ST6GALNAC1: variants seen among roughly 807,000 people sequenced by gnomAD.
ST6GALNAC1 encodes the protein ST6 N-acetylgalactosaminide alpha-2,6-sialyltransferase 1, also known as alpha-N-acetylgalactosaminide alpha-2,6-sialyltransferase 1.
In ST6GALNAC1, 45 loss-of-function variants were observed where a neutral mutation model predicts 56.8. The ratio of observed to expected loss-of-function variants is 0.79; its 90% CI spans 0.62 to 1.02. ST6GALNAC1 has a LOEUF of 1.02. ST6GALNAC1 is among the 50% of genes least tolerant of loss of function. The pLI, the probability that ST6GALNAC1 is intolerant of heterozygous loss-of-function variation, is 0.00. For synonymous variants in ST6GALNAC1, 295 were observed against 297.8 expected (o/e 0.99, Z 0.10); for missense variants, 743 against 754.8 (o/e 0.98, Z 0.18).
rs1457711765 is a variant in ST6GALNAC1, at chr17:76,627,598, AC to A, written c.832-16del. On this transcript the variant is annotated splice_polypyrimidine_tract_variant and intron_variant, in intron 2 of 8. Transcript: ENST00000156626. The surrounding 1 kb of genome is among the most constrained non-coding windows in gnomAD (Gnocchi z 4.4). The stretch of plus-strand genomic sequence containing the variant: ...TCAGGGCAAGTCTATATACAGGAGG[AC>A]GAAGTCAGGAAGGGAGAGACCCAGA... 6.2e-7 allele frequency: 1 copy of A among 1,612,470 alleles called. No individual in the cohort carries two copies. Among genetic ancestry groups the A allele is most frequent in the South Asian group, 1.1e-5 (1 of 90,934 alleles).
At chr17:76,618,323 G>A in the ST6GALNAC1 span, among the ~76,000 whole-genome samples, 1 of 152,102 alleles carries the variant, frequency 6.6e-6, no homozygotes, top group Non-Finnish European at 1.5e-5. Context: ...GGCATGACAT[G>A]AATTTGCCAA....
At position 76,626,319 on chromosome 17, in the gene ST6GALNAC1, G is replaced by A. The variant is rs150096642; in HGVS notation, c.1385C>T (p.Thr462Met). ...CCAGAAAAGGTTTTTTGACATCACC[G>A]TCTGATTCATAAGCAGTGCTTCCAG... ...EWLEALLMNQ[T>M]VMSKNLFWFR... The change falls in exon 6 of 9, where the codon ACG (threonine) becomes ATG (methionine). Residue 462 changes from threonine to methionine, a missense_variant. Coordinates refer to ENST00000156626, the MANE Select transcript of ST6GALNAC1 (RefSeq NM_018414.5). 3.3e-5 allele frequency: 54 copies of A among 1,614,192 alleles called. No homozygotes were observed. Among genetic ancestry groups the A allele is most frequent in the Middle Eastern group, 3.3e-4 (2 of 6,062 alleles).
downstream of ST6GALNAC1, among the ~76,000 whole-genome samples, chr17:76,619,892 C>T (rs962404693): frequency 6.6e-6 from 1 of 151,330 alleles, no homozygotes; most frequent in Non-Finnish European, 1.5e-5. Flanking sequence ...TACAGGCATG[C>T]ACCGCCACAC....
downstream of ST6GALNAC1, among the ~76,000 whole-genome samples, chr17:76,621,045 C>T (rs1035507437): frequency 6.6e-6 from 1 of 152,174 alleles, no homozygotes; most frequent in African/African-American, 2.4e-5. Flanking sequence ...TAACAAATAG[C>T]CAAGTCTTGG....
intron 1 of ST6GALNAC1, among the ~76,000 whole-genome samples, chr17:76,639,638 AACAC>A (rs55706272): frequency 0.03 from 3,716 of 125,028 alleles, 90 homozygotes; most frequent in African/African-American, 0.058. Flanking sequence ...TTACATGATA[AACAC>A]ACACACACAC....
At chr17:76,624,335 T>C (rs1007501921), downstream of ST6GALNAC1, among the ~76,000 whole-genome samples, 1 of 152,102 alleles carries the variant, frequency 6.6e-6, no homozygotes, top group Non-Finnish European at 1.5e-5. Flanking sequence ...ACTGCAACTC[T>C]GCCCCCCAGG....
intron 1 of ST6GALNAC1, among the ~76,000 whole-genome samples, chr17:76,631,640 C>T (rs1034949111): frequency 2.0e-5 from 3 of 152,150 alleles, no homozygotes; most frequent in Non-Finnish European, 4.4e-5. Context: ...CTCCTCTGCT[C>T]TCCAACCCAC....
At chr17:76,633,650 C>T (rs1193233086) in intron 1 of ST6GALNAC1, 1 of 152,012 alleles carries the variant, frequency 6.6e-6, no homozygotes, top group Non-Finnish European at 1.5e-5. Flanking sequence ...GAGACTGAGT[C>T]TCTGTTGTCT....
rs778254404 is a variant in ST6GALNAC1 at position 76,627,076 on chromosome 17, T to C, written c.1163A>G (p.Tyr388Cys). ...GGTGGGGACAGCTTACCGGAACACG[T>C]AGTCGTGACTGTCTATCTCCTGGCC... Reference protein sequence around the residue: ...HMGQEIDSHDYVFRLSGALIK... With the variant: ...HMGQEIDSHDCVFRLSGALIK... The change falls in exon 4 of 9, where the codon TAC (tyrosine) becomes TGC (cysteine). Residue 388 changes from tyrosine to cysteine, a missense_variant. Tyr to Cys is a radical substitution (Grantham distance 194). Transcript: ENST00000156626. The surrounding 1 kb of genome is among the most constrained non-coding windows in gnomAD (Gnocchi z 4.4). The C allele has an allele frequency of 1.4e-5, 21 of 1,549,286 alleles. No homozygotes were observed. In the South Asian group the frequency reaches 2.3e-4, roughly 17 times the overall value.
intron 1 of ST6GALNAC1, among the ~76,000 whole-genome samples, chr17:76,634,295 A>C (rs552283717): frequency 6.6e-6 from 1 of 152,190 alleles, no homozygotes; most frequent in South Asian, 2.1e-4. Context: ...TTCCTCTTCC[A>C]GGTTACATGT....
chr17:76,625,978 C>T, intron 7 of ST6GALNAC1, 28 bp downstream of exon 7: 1 of 1,612,052 alleles, frequency 6.2e-7, no homozygotes, highest in Non-Finnish European at 8.5e-7. Context: ...GGGACCTGGG[C>T]TACGTGTCAC....
intron 5 of ST6GALNAC1, 81 bp from the exon 6 acceptor site, chr17:76,626,473 T>C (rs2075800048): frequency 6.6e-7 from 1 of 1,519,506 alleles, no homozygotes; most frequent in Non-Finnish European, 9.1e-7. Flanking sequence ...TGACTCCGAC[T>C]GCCCACTTGC....
intron 1 of ST6GALNAC1, among the ~76,000 whole-genome samples, chr17:76,630,376 C>T (rs1206318997): frequency 6.6e-6 from 1 of 152,126 alleles, no homozygotes; most frequent in Non-Finnish European, 1.5e-5. Context: ...TCCATTAAGG[C>T]CTCCTAGCCT....
chr17:76,637,665 A>G (rs912660771), intron 1 of ST6GALNAC1: 2 of 398,846 alleles, frequency 5.0e-6, no homozygotes, highest in African/African-American at 2.1e-5. Context: ...CAGCTACTCA[A>G]TAGCGAAGGG....
At chr17:76,622,507 G>A (rs568127439), downstream of ST6GALNAC1, among the ~76,000 whole-genome samples, 2 of 152,100 alleles carry the variant, frequency 1.3e-5, no homozygotes, top group Admixed American at 1.3e-4. Context: ...TGGGACTACA[G>A]GTGCACGCCA....
chr17:76,630,888 ATTTTTT>A (rs939007475), intron 1 of ST6GALNAC1, among the ~76,000 whole-genome samples: 1 of 123,362 alleles, frequency 8.1e-6, no homozygotes, highest in Non-Finnish European at 1.7e-5. Flanking sequence ...ACCGCGCCCA[ATTTTTT>A]TTTTTTTTTT....
chr17:76,642,025 C>CTATATCTATATATACAA (rs1170785364), intron 1 of ST6GALNAC1: 1 of 144,264 alleles, frequency 6.9e-6, no homozygotes, highest in African/African-American at 2.6e-5. Flanking sequence ...GTGTATATAT[C>CTATATCTATATATACAA]TATATCTATA....
chr17:76,626,057 A>G lies in ST6GALNAC1; in HGVS notation c.1454T>C (p.Met485Thr), dbSNP rs2075793869. ...TGGGTGCAGCAACAGGTACCTGTCC[A>G]TGTGCAGGGCTTCCCGAAAAGCTTC... ...PQEAFREALH[M>T]DRYLLLHPDF... The change falls in exon 7 of 9, where the codon ATG becomes ACG. Residue 485 changes from methionine (M) to threonine (T), a missense_variant. Met to Thr is a moderately conservative substitution (Grantham distance 81). Transcript: ENST00000156626. The G allele has an allele frequency of 1.9e-6, 3 of 1,614,006 alleles. No homozygotes were observed. The highest frequency in any genetic ancestry group is 2.7e-5 in the African/African-American group (2 of 74,910).
At chr17:76,632,095 C>T (rs1235147517) in intron 1 of ST6GALNAC1, among the ~76,000 whole-genome samples, 3 of 152,030 alleles carry the variant, frequency 2.0e-5, no homozygotes, top group Non-Finnish European at 2.9e-5. Context: ...CCAAGCTGTT[C>T]ACCCGGTTTA....
Sources: gnomAD v4.1 joint callset for allele counts (sites outside exome capture counted in the v4.1 genomes callset) on GRCh38, gnomAD v4.1.1 for gene constraint, Gnocchi (gnomAD v3.1) non-coding constraint, MANE v1.5 for transcripts, NCBI Gene and HGNC (gene_info 2026-07-23, HGNC 2026-07-21) for gene names.